The following TAOK1 variants were observed in gnomAD, a reference collection of about 807,000 sequenced individuals.
The protein encoded by TAOK1 is TAO kinase 1.
Under a neutral mutation model 138.3 loss-of-function variants are expected in TAOK1, and 21 were observed. That is an observed-to-expected ratio of 0.15 (90% CI 0.11 to 0.22). TAOK1 has a LOEUF of 0.22. Among genes scored for constraint, TAOK1 ranks in the 10% least tolerant of loss-of-function variants. The probability of loss-of-function intolerance (pLI) is 1.00; values close to 1 mark genes in which losing one functional copy is unlikely to be tolerated. For synonymous variants in TAOK1, 361 were observed against 398.4 expected, an observed-to-expected ratio of 0.91 and a Z score of 1.12; for missense variants, 651 against 1,227.7, an observed-to-expected ratio of 0.53 and a Z score of 7.02.
intron 16 of TAOK1, among the ~76,000 whole-genome samples, chr17:29,521,068 G>T (rs750963404): frequency 2.0e-5 from 3 of 151,944 alleles, no homozygotes; most frequent in Admixed American, 6.6e-5. Context: ...ATCCGGATAC[G>T]TGTATATTAT....
rs952051159 is a variant in TAOK1, at chr17:29,522,276, T to G, written c.1909-4T>G. ...ATACCTTTGTCTTTTGTGTTATGGATTAGGAGTTAAACAAAAGACAGACTC... is the reference window on the plus strand; with the variant it reads ...ATACCTTTGTCTTTTGTGTTATGGAGTAGGAGTTAAACAAAAGACAGACTC... On this transcript the variant is annotated splice_region_variant and splice_polypyrimidine_tract_variant and intron_variant, in intron 16 of 19. Coordinates refer to ENST00000261716, the MANE Select transcript of TAOK1 (RefSeq NM_020791.4). The G allele has an allele frequency of 1.2e-6, 2 of 1,613,822 alleles. No individual in the cohort carries two copies. The highest frequency in any genetic ancestry group is 1.3e-5 in the African/African-American group (1 of 74,924).
At chr17:29,523,188 C>A (rs2031950157) in intron 17 of TAOK1, among the ~76,000 whole-genome samples, 1 of 151,430 alleles carries the variant, frequency 6.6e-6, no homozygotes, top group Non-Finnish European at 1.5e-5. Context: ...ATTTTAAAAC[C>A]CTAATTTGCT....
At position 29,495,717 on chromosome 17, in the gene TAOK1, A is replaced by T. The variant is rs1441942191; in HGVS notation, c.989A>T (p.Glu330Val). 11 of 1,602,742 alleles carry T rather than the reference A, an allele frequency of 6.9e-6. No individual in the cohort carries two copies. The highest frequency in any genetic ancestry group is 9.4e-6 in the Non-Finnish European group (11 of 1,174,176). The change falls in exon 11 of 20, where the codon GAA (glutamate) becomes GTA (valine). Residue 330 changes from glutamate to valine, a missense_variant. Glu to Val is a moderately radical substitution (Grantham distance 121). Transcript: ENST00000261716. ...AHNGPAVEAQ[E>V]EEEEQDHGVG... is the part of the protein sequence containing the mutation. ...AATGGACCAGCAGTAGAAGCACAGGAAGAAGAAGAGGTAAGAGATAAAAAA... is the reference window on the plus strand; with the variant it reads ...AATGGACCAGCAGTAGAAGCACAGGTAGAAGAAGAGGTAAGAGATAAAAAA...
intron 1 of TAOK1, among the ~76,000 whole-genome samples, chr17:29,415,989 G>A (rs868837886): frequency 5.9e-5 from 9 of 152,164 alleles, no homozygotes; most frequent in African/African-American, 1.4e-4. Context: ...TTGCTGGGGC[G>A]TGGTGCCTCA....
intron 10 of TAOK1, 85 bp downstream of exon 10, chr17:29,491,950 A>G (rs1330084856): frequency 2.0e-6 from 2 of 1,006,688 alleles, no homozygotes; most frequent in Admixed American, 1.8e-5. Flanking sequence ...CAGTGGCACA[A>G]TCACGTCTCC....
intron 6 of TAOK1, among the ~76,000 whole-genome samples, chr17:29,478,844 G>C (rs1018714550): frequency 1.3e-5 from 2 of 152,140 alleles, no homozygotes; most frequent in African/African-American, 2.4e-5. Context: ...CTTAAGGCCA[G>C]GCGAGGTGGC....
intron 1 of TAOK1, among the ~76,000 whole-genome samples, chr17:29,429,120 T>C (rs2153022474): frequency 6.6e-6 from 1 of 152,208 alleles, no homozygotes; most frequent in East Asian, 1.9e-4. Context: ...CCTTTCTAGG[T>C]GGGTATTCTT....
intron 8 of TAOK1, among the ~76,000 whole-genome samples, chr17:29,487,809 T>A (rs2031204566): frequency 6.6e-6 from 1 of 152,168 alleles, no homozygotes; most frequent in Admixed American, 6.6e-5. Context: ...AGCAGAATAT[T>A]TATGTAGATT....
At chr17:29,528,613 GC>G (rs2032051290) in intron 17 of TAOK1, among the ~76,000 whole-genome samples, 1 of 151,928 alleles carries the variant, frequency 6.6e-6, no homozygotes, top group African/African-American at 2.4e-5. Flanking sequence ...GCCAAGGTGG[GC>G]GGTTTGCCTG....
At chr17:29,449,676 A>C (rs574318232) in intron 1 of TAOK1, among the ~76,000 whole-genome samples, 1 of 152,224 alleles carries the variant, frequency 6.6e-6, no homozygotes, top group South Asian at 2.1e-4. Flanking sequence ...CCCCATCTCT[A>C]CTAAAAATAC....
At chr17:29,511,044 C>A in intron 15 of TAOK1, 52 bp downstream of exon 15, 1 of 1,502,730 alleles carries the variant, frequency 6.7e-7, no homozygotes, top group Non-Finnish European at 9.0e-7. Flanking sequence ...TTAATTATAT[C>A]CAATGGTGAC....
intron 1 of TAOK1, among the ~76,000 whole-genome samples, chr17:29,450,718 A>G (rs772047903): frequency 6.6e-5 from 10 of 151,940 alleles, no homozygotes; most frequent in Non-Finnish European, 1.3e-4. Context: ...GTCTTACCAT[A>G]TTACCCAGGC....
rs552070990 is a variant in TAOK1 at position 29,454,685 on chromosome 17, A to AG, written c.132+3007dup. 1.8e-4 allele frequency among the ~76,000 whole-genome samples: 27 copies of AG among 151,884 alleles called. No individual in the cohort carries two copies. The South Asian group carries it at 5.0e-3, about 28-fold the overall frequency. ...TTTCACCTCCATGCAACATATTCTTAGGTTTTTTTGTTTTTTTGTTTTTTT... is the reference window on the plus strand; with the variant it reads ...TTTCACCTCCATGCAACATATTCTTAGGGTTTTTTTGTTTTTTTGTTTTTTT... On this transcript the variant is annotated intron_variant, in intron 2 of 19. Coordinates refer to ENST00000261716, the MANE Select transcript of TAOK1 (RefSeq NM_020791.4).
intron 1 of TAOK1, among the ~76,000 whole-genome samples, chr17:29,411,955 TTTGA>T (rs1345070860): frequency 2.0e-5 from 3 of 152,298 alleles, no homozygotes; most frequent in East Asian, 3.9e-4. Flanking sequence ...TAAGATTATC[TTTGA>T]TTGACCCCTC....
intron 1 of TAOK1, among the ~76,000 whole-genome samples, chr17:29,423,080 C>CT (rs1318024397): frequency 1.4e-5 from 2 of 144,366 alleles, no homozygotes; most frequent in African/African-American, 2.6e-5. Flanking sequence ...TTATTGGTTT[C>CT]TTTTTTTTCC....
Position 29,544,747 on chromosome 17 carries a change from C to A in TAOK1, c.*1725C>A, listed in dbSNP as rs139374009. 1 of 152,138 alleles carries A rather than the reference C, an allele frequency of 6.6e-6. No homozygotes were observed. The highest frequency in any genetic ancestry group is 2.4e-5 in the African/African-American group (1 of 41,408). 9.4% of individuals were successfully genotyped at this position (152,138 alleles called of 1,614,324 possible). A position where few individuals can be genotyped will look rare whatever the true frequency, so the allele number is the denominator to read the frequency against. On this transcript the variant is annotated 3_prime_UTR_variant, in exon 20 of 20. Coordinates refer to ENST00000261716, the MANE Select transcript of TAOK1 (RefSeq NM_020791.4). ...ATCAGAGTTTCTTACAAGTTATTGT[C>A]CTGCTCCCTTCCAAGTTGTCTTGAA...
chr17:29,394,667 G>A (rs964891799), intron 1 of TAOK1, among the ~76,000 whole-genome samples: 1 of 152,080 alleles, frequency 6.6e-6, no homozygotes, highest in Non-Finnish European at 1.5e-5. Context: ...GTTTTCACTA[G>A]TCTCTGTTAC....
At chr17:29,429,071 AGTTT>A (rs1389372397) in intron 1 of TAOK1, among the ~76,000 whole-genome samples, 2 of 152,000 alleles carry the variant, frequency 1.3e-5, no homozygotes, top group Non-Finnish European at 2.9e-5. Flanking sequence ...CAGGTGCTAT[AGTTT>A]GTTATCTCTG....
At chr17:29,533,668 G>A (rs918961027) in intron 18 of TAOK1, among the ~76,000 whole-genome samples, 42 of 151,926 alleles carry the variant, frequency 2.8e-4, no homozygotes, top group Middle Eastern at 3.4e-3. Flanking sequence ...GCGAAACCCC[G>A]TCTCCACCAA....
Sources: allele counts gnomAD v4.1 joint callset (sites outside exome capture counted in the v4.1 genomes callset), GRCh38; gene constraint gnomAD v4.1.1; transcripts MANE v1.5; gene names NCBI Gene and HGNC (gene_info 2026-07-23, HGNC 2026-07-21).